The following GRID2 variants were observed in gnomAD, a reference collection of about 807,000 sequenced individuals.
GRID2 encodes glutamate ionotropic receptor delta type subunit 2.
In GRID2, 33 loss-of-function variants were observed where a neutral mutation model predicts 114.8. That is an observed-to-expected ratio of 0.29 (90% confidence interval 0.22 to 0.38). The LOEUF (loss-of-function observed/expected upper bound fraction) is 0.38. GRID2 is among the 10% of genes least tolerant of loss of function. The pLI, the probability that GRID2 is intolerant of heterozygous loss-of-function variation, is 1.00. For missense variants in GRID2, 1,184 were observed against 1,257.7 expected (o/e 0.94, Z 0.89); for synonymous variants, 505 against 449.9 (o/e 1.12, Z -1.55).
chr4:93,083,231 G>A (rs945237049), intron 2 of GRID2, among the ~76,000 whole-genome samples: 3 of 151,938 alleles, frequency 2.0e-5, no homozygotes, highest in South Asian at 4.2e-4. Context: ...AATCATTAAT[G>A]GTCATATATA....
At chr4:92,622,862 G>A (rs536167049) in intron 2 of GRID2, among the ~76,000 whole-genome samples, 1 of 151,832 alleles carries the variant, frequency 6.6e-6, no homozygotes. Flanking sequence ...ATATCCAATA[G>A]GTGATAGATT....
chr4:92,458,944 A>G (rs1012450206), intron 1 of GRID2, among the ~76,000 whole-genome samples: 1 of 152,194 alleles, frequency 6.6e-6, no homozygotes, highest in Non-Finnish European at 1.5e-5. Flanking sequence ...ATGATCCCAC[A>G]ACAGGAGATG....
intron 11 of GRID2, among the ~76,000 whole-genome samples, chr4:93,486,056 T>A (rs1204607039): frequency 6.6e-6 from 1 of 151,740 alleles, no homozygotes; most frequent in East Asian, 1.9e-4. Flanking sequence ...TTTATAGTTT[T>A]TCATGTAGAG....
chr4:93,713,332 A>C (rs1728641664), intron 14 of GRID2, among the ~76,000 whole-genome samples: 1 of 152,070 alleles, frequency 6.6e-6, no homozygotes, highest in Non-Finnish European at 1.5e-5. Context: ...TTATCCTGAC[A>C]GTTTGTTTGT....
chr4:92,850,936 G>A (rs891002382), intron 2 of GRID2, among the ~76,000 whole-genome samples: 1 of 151,900 alleles, frequency 6.6e-6, no homozygotes, highest in Non-Finnish European at 1.5e-5. Flanking sequence ...CAATAGGAAG[G>A]CATTAAAATC....
chr4:92,778,260 C>A (rs979088710), intron 2 of GRID2, among the ~76,000 whole-genome samples: 1 of 152,004 alleles, frequency 6.6e-6, no homozygotes, highest in African/African-American at 2.4e-5. Context: ...GACAATTGCT[C>A]TTTATGTAAT....
chr4:93,421,639 A>G (rs1157625772), intron 9 of GRID2, among the ~76,000 whole-genome samples: 2 of 152,154 alleles, frequency 1.3e-5, no homozygotes, highest in Non-Finnish European at 2.9e-5. Flanking sequence ...TGAAAAAGGC[A>G]CTACTGAGGC....
chr4:92,725,454 T>C (rs1398018694), intron 2 of GRID2, among the ~76,000 whole-genome samples: 1 of 152,166 alleles, frequency 6.6e-6, no homozygotes, highest in African/African-American at 2.4e-5. Context: ...AAACTGTAAA[T>C]ATTAACTACT....
chr4:93,085,301 A>T, intron 3 of GRID2, 22 bp downstream of exon 3: 1 of 1,568,986 alleles, frequency 6.4e-7, no homozygotes, highest in Non-Finnish European at 8.8e-7. Flanking sequence ...TAATTTGTTT[A>T]GGTTTTGTAA....
intron 2 of GRID2, among the ~76,000 whole-genome samples, chr4:92,933,681 T>G (rs1293164237): frequency 6.6e-6 from 1 of 151,648 alleles, no homozygotes; most frequent in Non-Finnish European, 1.5e-5. Context: ...TCGGTCTCTT[T>G]AAAATTCTAC....
intron 1 of GRID2, among the ~76,000 whole-genome samples, chr4:93,803,597 C>T (rs1159465669): frequency 6.6e-6 from 1 of 152,078 alleles, no homozygotes; most frequent in Non-Finnish European, 1.5e-5. Flanking sequence ...TGGCACGCAC[C>T]TGTAGTCCTA....
chr4:92,878,251 A>G (rs1026657837), intron 2 of GRID2, among the ~76,000 whole-genome samples: 4 of 152,134 alleles, frequency 2.6e-5, no homozygotes, highest in African/African-American at 9.7e-5. Context: ...TTTATTATTC[A>G]GTGTAGGAGG....
At chr4:92,592,027 A>G (rs540164536) in intron 2 of GRID2, among the ~76,000 whole-genome samples, 7 of 152,150 alleles carry the variant, frequency 4.6e-5, no homozygotes, top group African/African-American at 1.7e-4. Context: ...TTTCTATGGA[A>G]ATATTTAAAA....
At chr4:92,511,420 T>C (rs1724244276) in intron 1 of GRID2, among the ~76,000 whole-genome samples, 1 of 151,994 alleles carries the variant, frequency 6.6e-6, no homozygotes, top group South Asian at 2.1e-4. Flanking sequence ...CATTTTAACA[T>C]GAGATTTAGA....
intron 1 of GRID2, among the ~76,000 whole-genome samples, chr4:93,790,614 T>G (rs1475602701): frequency 6.6e-6 from 1 of 152,004 alleles, no homozygotes; most frequent in Non-Finnish European, 1.5e-5. Context: ...TGGCATGATC[T>G]TAACTATAAA....
At chr4:92,526,025 G>A (rs1261947471) in intron 1 of GRID2, among the ~76,000 whole-genome samples, 2 of 152,050 alleles carry the variant, frequency 1.3e-5, no homozygotes, top group African/African-American at 4.8e-5. Flanking sequence ...TGGTTTGTAG[G>A]AAGCTGATCA....
intron 1 of GRID2, among the ~76,000 whole-genome samples, chr4:92,503,780 A>G (rs1209911158): frequency 6.6e-6 from 1 of 152,050 alleles, no homozygotes; most frequent in Non-Finnish European, 1.5e-5. Flanking sequence ...GCTAGAGTAA[A>G]CCTGAAGGAA....
intron 2 of GRID2, among the ~76,000 whole-genome samples, chr4:92,938,400 T>C (rs1160100243): frequency 6.8e-6 from 1 of 146,564 alleles, no homozygotes; most frequent in Non-Finnish European, 1.5e-5. Flanking sequence ...ATGCAGTCAA[T>C]TGAAATTCCC....
intron 2 of GRID2, among the ~76,000 whole-genome samples, chr4:92,874,176 A>G (rs1745468665): frequency 6.6e-6 from 1 of 152,098 alleles, no homozygotes; most frequent in African/African-American, 2.4e-5. Flanking sequence ...TATAATTGAT[A>G]TTGTCACAAC....
Sources: allele counts gnomAD v4.1 joint callset (sites outside exome capture counted in the v4.1 genomes callset), GRCh38; gene constraint gnomAD v4.1.1; transcripts MANE v1.5; gene names NCBI Gene and HGNC (gene_info 2026-07-23, HGNC 2026-07-21).